Variants in B4GALT6 observed in about 807,000 individuals in gnomAD.
The protein encoded by B4GALT6 is UDP-Gal:beta-GlcNAc beta-1,4-galactosyltransferase 6.
In B4GALT6, 14 loss-of-function variants were observed where a neutral mutation model predicts 46.3. The observed-to-expected ratio is 0.30, with a 90% CI of 0.20 to 0.47. B4GALT6 has a LOEUF of 0.47. Among genes scored for constraint, B4GALT6 ranks in the 20% least tolerant of loss-of-function variants. B4GALT6 has a pLI of 0.99. For missense variants in B4GALT6, 386 were observed against 480.1 expected (o/e 0.80, Z 1.83); for synonymous variants, 168 against 162.0 (o/e 1.04, Z -0.28).
intron 3 of B4GALT6, among the ~76,000 whole-genome samples, chr18:31,652,703 G>A (rs1428558296): frequency 2.6e-5 from 4 of 152,204 alleles, no homozygotes; most frequent in East Asian, 3.9e-4. Context: ...CACCAAGTCA[G>A]AAACCTGGAA....
chr18:31,665,955 T>C (rs2074277369), intron 2 of B4GALT6, among the ~76,000 whole-genome samples: 1 of 152,240 alleles, frequency 6.6e-6, no homozygotes, highest in Non-Finnish European at 1.5e-5. Context: ...TAAATTATTC[T>C]CTGGTTAATT....
At chr18:31,630,028 C>CAGGA (rs759122449) in intron 6 of B4GALT6, among the ~76,000 whole-genome samples, 17 of 125,542 alleles carry the variant, frequency 1.4e-4, no homozygotes, top group South Asian at 1.0e-3. Context: ...GAAGGAGAAG[C>CAGGA]AGGAAGGAAG....
rs1480849746 is a variant in B4GALT6, at chr18:31,666,131, C to G, written c.232+125G>C. ...TGATTTGCACAGTAAAATAATCTAC[C>G]AGGACGCTTAGGGGAAGATACCTTC... On this transcript the variant is annotated intron_variant, in intron 2 of 8. Transcript: ENST00000306851. 5.6e-6 allele frequency: 3 copies of G among 537,152 alleles called. No individual in the cohort carries two copies. The East Asian group carries it at 8.8e-5, about 16-fold the overall frequency. 33.3% of individuals were successfully genotyped at this position (537,152 alleles called of 1,614,324 possible).
chr18:31,637,951 T>A (rs1434705748), intron 5 of B4GALT6, among the ~76,000 whole-genome samples: 1 of 152,080 alleles, frequency 6.6e-6, no homozygotes, highest in Non-Finnish European at 1.5e-5. Context: ...AAATGAAACT[T>A]TACAGAGGTT....
chr18:31,704,564 T>G, the B4GALT6 span, among the ~76,000 whole-genome samples: 8 of 152,262 alleles, frequency 5.3e-5, no homozygotes, highest in African/African-American at 1.7e-4. Context: ...TCATACCATA[T>G]TCCAAATATA....
chr18:31,717,952 C>T, the B4GALT6 span, among the ~76,000 whole-genome samples: 1 of 46,892 alleles, frequency 2.1e-5, no homozygotes, highest in Non-Finnish European at 5.0e-5. Flanking sequence ...GAAACTCCGT[C>T]TCAAAAAAAA....
chr18:31,709,585 GTGTGTGTGTGTGTGTGTGTATA>G, the B4GALT6 span, among the ~76,000 whole-genome samples: 1 of 138,358 alleles, frequency 7.2e-6, no homozygotes, highest in African/African-American at 2.7e-5. Flanking sequence ...GTGTGTGTGT[GTGTGTGTGTGTGTGTGTGTATA>G]TATATATCCT....
chr18:31,690,256 C>T (rs918758592), upstream of B4GALT6, among the ~76,000 whole-genome samples: 7 of 151,946 alleles, frequency 4.6e-5, no homozygotes, highest in African/African-American at 1.5e-4. Flanking sequence ...CTCAGCCTCC[C>T]GAGTAGCTGG....
At chr18:31,687,392 C>T (rs2029964966), upstream of B4GALT6, among the ~76,000 whole-genome samples, 1 of 152,180 alleles carries the variant, frequency 6.6e-6, no homozygotes, top group African/African-American at 2.4e-5. Context: ...CCTAGTGGGT[C>T]ACCCATTAAG....
chr18:31,675,616 A>C (rs962584582), intron 1 of B4GALT6, among the ~76,000 whole-genome samples: 1 of 152,198 alleles, frequency 6.6e-6, no homozygotes, highest in African/African-American at 2.4e-5. Context: ...CATGACAGGA[A>C]CCCTAAGAGA....
intron 4 of B4GALT6, among the ~76,000 whole-genome samples, chr18:31,641,689 T>C (rs2073932550): frequency 6.6e-6 from 1 of 152,238 alleles, no homozygotes; most frequent in Non-Finnish European, 1.5e-5. Flanking sequence ...TATCTTCTGA[T>C]AAAACAACAC....
At chr18:31,679,777 C>T (rs1367886051) in intron 1 of B4GALT6, among the ~76,000 whole-genome samples, 1 of 152,168 alleles carries the variant, frequency 6.6e-6, no homozygotes, top group Non-Finnish European at 1.5e-5. Context: ...AAATAGCCCC[C>T]CAAAGACGTG....
intron 1 of B4GALT6, among the ~76,000 whole-genome samples, chr18:31,667,940 C>G (rs933494255): frequency 6.6e-6 from 1 of 151,688 alleles, no homozygotes; most frequent in African/African-American, 2.4e-5. Flanking sequence ...ACTAAAAATA[C>G]AAAAAAATCA....
rs1156671433 is a variant in B4GALT6, at chr18:31,625,675, C to G, written c.1088G>C (p.Arg363Thr). Residue 363 changes from arginine to threonine, a missense_variant, in exon 9 of 9, where the codon AGG becomes ACG. This residue lies in a region of B4GALT6 where 323 missense variants were observed against 438.9 expected (regional missense o/e 0.74). Transcript: ENST00000306851. Reference protein sequence around the residue: ...LIYRPKILVDRLYTNISVNLM... With the variant: ...LIYRPKILVDTLYTNISVNLM... Reference sequence around the variant, plus strand: ...GTTTACAGATATGTTTGTATACAACCTATCAACCAGTATTTTTGGCCTATA... The same window carrying G: ...GTTTACAGATATGTTTGTATACAACGTATCAACCAGTATTTTTGGCCTATA... 6.2e-7 allele frequency: 1 copy of G among 1,613,128 alleles called. No homozygotes were observed. Among genetic ancestry groups the G allele is most frequent in the South Asian group, 1.1e-5 (1 of 90,948 alleles).
At chr18:31,724,478 G>A in the B4GALT6 span, 1 of 1,012,190 alleles carries the variant, frequency 9.9e-7, no homozygotes, top group Non-Finnish European at 1.2e-6. Context: ...GGCAGACCCG[G>A]GAGAGCTTTG....
At chr18:31,629,740 C>G (rs902442136) in intron 6 of B4GALT6, among the ~76,000 whole-genome samples, 5 of 149,686 alleles carry the variant, frequency 3.3e-5, no homozygotes, top group African/African-American at 1.2e-4. Context: ...GTCCCAGCTA[C>G]TCGGGAAGCT....
the B4GALT6 span, among the ~76,000 whole-genome samples, chr18:31,709,506 A>G: frequency 6.7e-6 from 1 of 148,270 alleles, no homozygotes; most frequent in African/African-American, 2.5e-5. Flanking sequence ...TATGGTATCC[A>G]ATGTACCTTG....
intron 4 of B4GALT6, among the ~76,000 whole-genome samples, chr18:31,640,675 T>C (rs1012657689): frequency 2.0e-5 from 3 of 152,208 alleles, no homozygotes; most frequent in Non-Finnish European, 4.4e-5. Flanking sequence ...AACGTCTCTC[T>C]TGGCTCAGAA....
intron 2 of B4GALT6, among the ~76,000 whole-genome samples, chr18:31,660,305 T>C (rs1239738543): frequency 2.0e-5 from 3 of 152,132 alleles, no homozygotes; most frequent in Non-Finnish European, 4.4e-5. Flanking sequence ...TTTTTCTTTT[T>C]GTTTTTGTTT....
Sources: allele counts gnomAD v4.1 joint callset (sites outside exome capture counted in the v4.1 genomes callset), GRCh38; gene constraint gnomAD v4.1.1; regional missense constraint gnomAD v4.1.1; transcripts MANE v1.5; gene names NCBI Gene and HGNC (gene_info 2026-07-23, HGNC 2026-07-21).